SALL1: variants seen among roughly 807,000 people sequenced by gnomAD.
SALL1 encodes spalt like transcription factor 1.
Under a neutral mutation model 73.1 loss-of-function variants are expected in SALL1, and 10 were observed. That is an observed-to-expected ratio of 0.14 (90% confidence interval 0.08 to 0.23). SALL1 has a LOEUF of 0.23. Ranked by LOEUF, SALL1 falls within the 10% of genes least tolerant of loss-of-function variation. SALL1 has a pLI of 1.00. For synonymous variants in SALL1, 688 were observed against 689.8 expected (o/e 1.00, Z 0.04); for missense variants, 1,520 against 1,697.3 (o/e 0.90, Z 1.84).
At chr16:51,144,142 T>C (rs1302105998) in intron 1 of SALL1, among the ~76,000 whole-genome samples, 1 of 152,200 alleles carries the variant, frequency 6.6e-6, no homozygotes, top group Non-Finnish European at 1.5e-5. Context: ...GCTTCTTATT[T>C]TGACAATCAA....
Position 51,140,112 on chromosome 16 carries a change from C to T in SALL1, c.2110G>A (p.Asp704Asn). Reference sequence around the variant, plus strand: ...TGGCAGATGATGCACTCATTGGGGTCAGTGGCCTTCTTGTCAATGTTTTCT... The same window carrying T: ...TGGCAGATGATGCACTCATTGGGGTTAGTGGCCTTCTTGTCAATGTTTTCT... ...LVENIDKKATDPNECIICHRV... is the reference protein window; with the variant it reads ...LVENIDKKATNPNECIICHRV... The change falls in exon 2 of 3, where the codon GAC (aspartate) becomes AAC (asparagine). Residue 704 changes from aspartate to asparagine, a missense_variant. Asp to Asn is a conservative substitution (Grantham distance 23). Coordinates refer to ENST00000251020, the MANE Select transcript of SALL1 (RefSeq NM_002968.3). The surrounding 1 kb of genome is among the most constrained non-coding windows in gnomAD (Gnocchi z 5.7). 6.2e-7 allele frequency: 1 copy of T among 1,614,168 alleles called. No individual in the cohort carries two copies.
At chr16:51,148,522 T>C (rs2098360990) in intron 1 of SALL1, among the ~76,000 whole-genome samples, 1 of 152,240 alleles carries the variant, frequency 6.6e-6, no homozygotes, top group South Asian at 2.1e-4. Flanking sequence ...ACAATGTTTC[T>C]TTACGTAAAA....
Position 51,140,227 on chromosome 16 carries a change from G to A in SALL1, c.1995C>T (p.Leu665=). The A allele has an allele frequency of 6.2e-7, 1 of 1,614,180 alleles. No homozygotes were observed. Among genetic ancestry groups the A allele is most frequent in the East Asian group, 2.2e-5 (1 of 44,870 alleles). ...ATTFTNPLLP[L]MSEQFKAKFP... ...ACTTGGCCTTGAACTGCTCGGACAT[G>A]AGCGGCAACAAAGGGTTGGTGAAGG... The change falls in exon 2 of 3, where the codon CTC becomes CTT. Residue 665 remains leucine, a synonymous_variant. Transcript: ENST00000251020. This position sits in a 1 kb window ranked among gnomAD's most constrained non-coding sequence, Gnocchi z 5.7.
Position 51,141,366 on chromosome 16 carries a change from T to A in SALL1, c.856A>T (p.Ser286Cys). The change falls in exon 2 of 3, where the codon AGT becomes TGT. Residue 286 changes from serine (S) to cysteine (C), a missense_variant. Physicochemically the swap from Ser to Cys is moderately radical, Grantham distance 112 (BLOSUM62 -1). Coordinates refer to ENST00000251020, the MANE Select transcript of SALL1 (RefSeq NM_002968.3). The surrounding 1 kb of genome is among the most constrained non-coding windows in gnomAD (Gnocchi z 5.4). ...GCCAGCTGCTGAGATAAATGGGAAC[T>A]TAGCGTGGACAAGGGGTTGGCAGAT... ...RTSANPLSTL[S>C]SHLSQQLAAA... 6.2e-7 allele frequency: 1 copy of A among 1,613,674 alleles called. No individual in the cohort carries two copies. Among genetic ancestry groups the A allele is most frequent in the Non-Finnish European group, 8.5e-7 (1 of 1,179,986 alleles).
At chr16:51,146,847 A>G (rs961060226) in intron 1 of SALL1, among the ~76,000 whole-genome samples, 3 of 152,116 alleles carry the variant, frequency 2.0e-5, no homozygotes, top group African/African-American at 4.8e-5. Flanking sequence ...TTCTTTGGTT[A>G]ACTTTCCACC....
chr16:51,138,612 G>T (rs77466256), intron 2 of SALL1, 76 bp downstream of exon 2: 1 of 1,532,530 alleles, frequency 6.5e-7, no homozygotes. Context: ...ATGACTCTGG[G>T]GGCATGCATT....
rs567084895 is a variant in SALL1, at chr16:51,141,435, C to A, written c.787G>T (p.Asp263Tyr). The A allele has an allele frequency of 4.5e-5, 72 of 1,614,076 alleles. No individual in the cohort carries two copies. The highest frequency in any genetic ancestry group is 1.0e-4 in the Admixed American group (6 of 60,012). The change falls in exon 2 of 3, where the codon GAC (aspartate) becomes TAC (tyrosine). Residue 263 changes from aspartate (D) to tyrosine (Y), a missense_variant. This residue lies in a region of SALL1 where 540 missense variants were observed against 567.5 expected (regional missense o/e 0.95). Transcript: ENST00000251020. The surrounding 1 kb of genome is among the most constrained non-coding windows in gnomAD (Gnocchi z 5.4). ...QILLLASQNA[D>Y]LPTSSSPSQG... ...GAAGGACTAGAAGATGTTGGCAAGT[C>A]TGCATTCTGAGAAGCCAACAGCAAT...
intron 1 of SALL1, among the ~76,000 whole-genome samples, chr16:51,146,304 A>C (rs1962517194): frequency 6.6e-6 from 1 of 152,110 alleles, no homozygotes. Flanking sequence ...AAGCCCACCT[A>C]ATGTACACAA....
chr16:51,142,193 C>G (rs1052337409), intron 1 of SALL1, 48 bp from the exon 2 acceptor site: 2 of 1,393,096 alleles, frequency 1.4e-6, no homozygotes, highest in East Asian at 2.3e-5. Context: ...CCAGGACACA[C>G]AGTCACCTAT....
At position 51,139,838 on chromosome 16, in the gene SALL1, T is replaced by C. The variant is rs1436441643; in HGVS notation, c.2384A>G (p.Asn795Ser). 2.2e-5 allele frequency: 35 copies of C among 1,614,050 alleles called. 1 individual carries two copies. In the Admixed American group the frequency reaches 5.8e-4, roughly 27 times the overall value. ...AGAGTAGCTGTCGGGGACTGGGGTG[T>C]TGGGGATCTGGCCTCCCATATGCAT... Reference protein sequence around the residue: ...IRMHMGGQIPNTPVPDSYSES... With the variant: ...IRMHMGGQIPSTPVPDSYSES... The change falls in exon 2 of 3, where the codon AAC (asparagine) becomes AGC (serine). Residue 795 changes from asparagine (N) to serine (S), a missense_variant. Asn to Ser is a conservative substitution (Grantham distance 46, BLOSUM62 1). Around this residue, in one of 7 missense-constraint regions of SALL1, gnomAD observed 266 missense variants for 275.1 expected, o/e 0.97. Transcript: ENST00000251020.
intron 2 of SALL1, among the ~76,000 whole-genome samples, chr16:51,138,191 TATC>T (rs770579473): frequency 6.6e-6 from 1 of 152,190 alleles, no homozygotes; most frequent in Non-Finnish European, 1.5e-5. Flanking sequence ...TATAATCAAT[TATC>T]ATAATACCCA....
At chr16:51,146,951 G>A (rs1299304746) in intron 1 of SALL1, among the ~76,000 whole-genome samples, 1 of 152,204 alleles carries the variant, frequency 6.6e-6, no homozygotes, top group African/African-American at 2.4e-5. Context: ...GAAAAACCTA[G>A]TTGAGGTTGT....
At chr16:51,144,685 G>A (rs1161765663) in intron 1 of SALL1, among the ~76,000 whole-genome samples, 1 of 152,170 alleles carries the variant, frequency 6.6e-6, no homozygotes, top group African/African-American at 2.4e-5. Flanking sequence ...ACAGGATTTA[G>A]CTGATTATTA....
chr16:51,140,325 A>T lies in SALL1; in HGVS notation c.1897T>A (p.Ser633Thr), dbSNP rs749325532. The change falls in exon 2 of 3, where the codon TCA becomes ACA. Residue 633 changes from serine (S) to threonine (T), a missense_variant. Physicochemically the swap from Ser to Thr is moderately conservative, Grantham distance 58 (BLOSUM62 1). Transcript: ENST00000251020. The surrounding 1 kb of genome is among the most constrained non-coding windows in gnomAD (Gnocchi z 5.7). ...KSEESGMVTN[S>T]VPTASSSVLS... is the part of the protein sequence containing the mutation. ...ACGCTACTGCTCGCCGTCGGGACTG[A>T]GTTGGTGACCATGCCACTCTCTTCG... is the stretch of plus-strand genomic sequence containing the variant. The T allele has an allele frequency of 3.1e-6, 5 of 1,614,056 alleles. No individual in the cohort carries two copies. Among genetic ancestry groups the T allele is most frequent in the East Asian group, 4.5e-5 (2 of 44,876 alleles).
rs755755791 is a variant in SALL1, at chr16:51,142,108, C to T, written c.114G>A (p.Lys38=). 6.2e-7 allele frequency: 1 copy of T among 1,613,576 alleles called. No homozygotes were observed. The highest frequency in any genetic ancestry group is 1.7e-4 in the Middle Eastern group (1 of 6,052). Residue 38 remains lysine, a synonymous_variant, in exon 2 of 3, where the codon AAG becomes AAA. Transcript: ENST00000251020. ...GGCCACAGACGTGGGCATCCTTGCT[C>T]TTAGTAGGGCGACTCGGTTGACCCT... ...TEKGQPSRPT[K]SKDAHVCGRC...
At chr16:51,148,453 C>G (rs1962549057) in intron 1 of SALL1, among the ~76,000 whole-genome samples, 1 of 152,192 alleles carries the variant, frequency 6.6e-6, no homozygotes, top group Admixed American at 6.5e-5. Context: ...AAGACCATCT[C>G]AAGACATAAG....
chr16:51,150,283 G>T (rs1962577453), intron 1 of SALL1: 1 of 507,744 alleles, frequency 2.0e-6, no homozygotes, highest in Non-Finnish European at 2.5e-6. Flanking sequence ...ATTCCACTCT[G>T]GCTGGCCACC....
In SALL1 at chr16:51,141,203, T is replaced by C. The variant is rs778583570; in HGVS notation, c.1019A>G (p.Asn340Ser). The change falls in exon 2 of 3, where the codon AAT (asparagine) becomes AGT (serine). Residue 340 changes from asparagine to serine, a missense_variant. This residue lies in a region of SALL1 where 540 missense variants were observed against 567.5 expected (regional missense o/e 0.95). Coordinates refer to ENST00000251020, the MANE Select transcript of SALL1 (RefSeq NM_002968.3). This position sits in a 1 kb window ranked among gnomAD's most constrained non-coding sequence, Gnocchi z 5.4. ...IIPSNSGSSP[N>S]MNILAAAVTT... Reference sequence around the variant, plus strand: ...AACTGCCGCTGCCAATATGTTCATATTGGGAGAAGAGCCGCTGTTGGATGG... The same window carrying C: ...AACTGCCGCTGCCAATATGTTCATACTGGGAGAAGAGCCGCTGTTGGATGG... The C allele has an allele frequency of 6.2e-6, 10 of 1,614,010 alleles. No individual in the cohort carries two copies. The highest frequency in any genetic ancestry group is 4.0e-5 in the African/African-American group (3 of 74,908).
upstream of SALL1, chr16:51,151,304 A>C (rs995632960): frequency 9.4e-6 from 12 of 1,280,580 alleles, no homozygotes; most frequent in Middle Eastern, 2.8e-4. Context: ...TCTCAAAATT[A>C]CGGAAATCGA....
Sources: gnomAD v4.1 joint callset for allele counts (sites outside exome capture counted in the v4.1 genomes callset) on GRCh38, gnomAD v4.1.1 for gene constraint, gnomAD v4.1.1 regional missense constraint, Gnocchi (gnomAD v3.1) non-coding constraint, MANE v1.5 for transcripts, NCBI Gene and HGNC (gene_info 2026-07-23, HGNC 2026-07-21) for gene names.